The following SEMA6D variants were observed in gnomAD, a reference collection of about 807,000 sequenced individuals.
SEMA6D encodes the protein semaphorin 6D.
SEMA6D carries 35 observed loss-of-function variants against 106.6 expected under a neutral mutation model. That is an observed-to-expected ratio of 0.33 (90% CI 0.25 to 0.44). The LOEUF is 0.44. Among genes scored for constraint, SEMA6D ranks in the 20% least tolerant of loss-of-function variants. The pLI is 1.00. For missense variants in SEMA6D, 1,185 were observed against 1,345.9 expected (o/e 0.88, Z 1.87); for synonymous variants, 499 against 487.7 (o/e 1.02, Z -0.31).
intron 2 of SEMA6D, among the ~76,000 whole-genome samples, chr15:47,451,317 C>T (rs1327272334): frequency 6.6e-6 from 1 of 151,942 alleles, no homozygotes; most frequent in East Asian, 2.0e-4. Context: ...TCAAAAGCTT[C>T]CTCAAAGAGG....
intron 2 of SEMA6D, among the ~76,000 whole-genome samples, chr15:47,432,215 A>G (rs1369673731): frequency 2.0e-5 from 3 of 152,168 alleles, no homozygotes; most frequent in East Asian, 1.9e-4. Flanking sequence ...TGTCCATGCC[A>G]TAAAACTATG....
intron 3 of SEMA6D, among the ~76,000 whole-genome samples, chr15:47,574,119 A>G (rs16959696): frequency 0.067 from 10,257 of 152,308 alleles, 533 homozygotes; most frequent in East Asian, 0.25. Context: ...GGTTTTGCCA[A>G]TGCTTATTGT....
chr15:47,580,101 G>T (rs1237848186), intron 3 of SEMA6D, among the ~76,000 whole-genome samples: 1 of 152,152 alleles, frequency 6.6e-6, no homozygotes, highest in Non-Finnish European at 1.5e-5. Context: ...ACCTTTCAAA[G>T]CTACTTCTAA....
chr15:47,699,771 C>T (rs966888050), intron 4 of SEMA6D, among the ~76,000 whole-genome samples: 6 of 152,194 alleles, frequency 3.9e-5, no homozygotes, highest in African/African-American at 7.2e-5. Context: ...TGTCACTTCT[C>T]GCTACTGCTT....
At chr15:47,325,166 T>A (rs1382242550) in intron 1 of SEMA6D, among the ~76,000 whole-genome samples, 2 of 150,414 alleles carry the variant, frequency 1.3e-5, no homozygotes, top group African/African-American at 4.9e-5. Context: ...AGCGTTTTTT[T>A]TTTGTTTTTT....
At chr15:47,248,897 C>T (rs190867034) in intron 1 of SEMA6D, among the ~76,000 whole-genome samples, 21 of 152,222 alleles carry the variant, frequency 1.4e-4, no homozygotes, top group African/African-American at 4.6e-4. Flanking sequence ...ATCACATGGA[C>T]GCTTAATAAC....
intron 4 of SEMA6D, among the ~76,000 whole-genome samples, chr15:47,680,529 A>AC (rs2078331911): frequency 6.6e-6 from 1 of 152,092 alleles, no homozygotes; most frequent in Admixed American, 6.6e-5. Flanking sequence ...TTTTACCCTT[A>AC]CCCCTCAAAA....
chr15:47,535,099 A>C (rs1404501552), intron 3 of SEMA6D, among the ~76,000 whole-genome samples: 2 of 150,610 alleles, frequency 1.3e-5, no homozygotes, highest in Non-Finnish European at 3.0e-5. Flanking sequence ...AAACACACAC[A>C]CAAAAAAACA....
chr15:47,195,710 A>G (rs1030718312), intron 1 of SEMA6D, among the ~76,000 whole-genome samples: 1 of 152,240 alleles, frequency 6.6e-6, no homozygotes, highest in African/African-American at 2.4e-5. Context: ...GTTCCACTGC[A>G]TCTTGTGCTC....
At chr15:47,485,520 A>G (rs571711129) in intron 3 of SEMA6D, among the ~76,000 whole-genome samples, 20 of 152,302 alleles carry the variant, frequency 1.3e-4, no homozygotes, top group African/African-American at 4.3e-4. Flanking sequence ...GCAAATGAAT[A>G]TATACCAAAG....
At chr15:47,637,132 CA>C (rs1050818810) in intron 4 of SEMA6D, among the ~76,000 whole-genome samples, 1 of 152,174 alleles carries the variant, frequency 6.6e-6, no homozygotes, top group African/African-American at 2.4e-5. Context: ...ATCTTCTCAG[CA>C]AAATAAAATG....
chr15:47,449,816 G>C (rs1368689957), intron 2 of SEMA6D, among the ~76,000 whole-genome samples: 1 of 151,954 alleles, frequency 6.6e-6, no homozygotes, highest in Non-Finnish European at 1.5e-5. Flanking sequence ...TTATTATAAA[G>C]CTCTTTATTT....
intron 4 of SEMA6D, among the ~76,000 whole-genome samples, chr15:47,687,685 G>A (rs529140068): frequency 1.3e-5 from 2 of 152,266 alleles, no homozygotes; most frequent in South Asian, 4.1e-4. Context: ...GAATAAGCAT[G>A]TTCAGAAGGG....
At chr15:47,314,667 A>G (rs2036579280) in intron 1 of SEMA6D, among the ~76,000 whole-genome samples, 1 of 149,868 alleles carries the variant, frequency 6.7e-6, no homozygotes, top group Admixed American at 6.7e-5. Context: ...TTAATCAGAT[A>G]CTTCTTTTGC....
chr15:47,708,005 G>A (rs1443658443), intron 4 of SEMA6D, among the ~76,000 whole-genome samples: 1 of 152,142 alleles, frequency 6.6e-6, no homozygotes, highest in Non-Finnish European at 1.5e-5. Flanking sequence ...GTCTTCTGGT[G>A]TATGTTTCCA....
chr15:47,429,232 C>A (rs2041446205), intron 2 of SEMA6D, among the ~76,000 whole-genome samples: 1 of 152,070 alleles, frequency 6.6e-6, no homozygotes, highest in Non-Finnish European at 1.5e-5. Flanking sequence ...CTGGCCAACT[C>A]CTGGCTCTGC....
intron 3 of SEMA6D, among the ~76,000 whole-genome samples, chr15:47,519,023 G>T (rs2044483245): frequency 1.3e-5 from 2 of 152,024 alleles, no homozygotes; most frequent in Middle Eastern, 6.8e-3. Flanking sequence ...ACAGGAATTT[G>T]AAACCAGCCT....
chr15:47,557,006 G>T (rs181881711), intron 3 of SEMA6D, among the ~76,000 whole-genome samples: 1 of 152,038 alleles, frequency 6.6e-6, no homozygotes, highest in African/African-American at 2.4e-5. Flanking sequence ...TACCTTAAAC[G>T]ACTTCTCATG....
At chr15:47,668,355 A>C (rs1322473248) in intron 4 of SEMA6D, among the ~76,000 whole-genome samples, 1 of 152,230 alleles carries the variant, frequency 6.6e-6, no homozygotes, top group Non-Finnish European at 1.5e-5. Context: ...AGTCTGACCT[A>C]TTCCAGCCTG....
Sources: gnomAD v4.1 joint callset for allele counts (sites outside exome capture counted in the v4.1 genomes callset) on GRCh38, gnomAD v4.1.1 for gene constraint, MANE v1.5 for transcripts, NCBI Gene and HGNC (gene_info 2026-07-23, HGNC 2026-07-21) for gene names.